The following PARP10 variants were observed in gnomAD, a reference collection of about 807,000 sequenced individuals.
The protein encoded by PARP10 is protein mono-ADP-ribosyltransferase PARP10.
A neutral mutation model predicts 82.4 loss-of-function variants in PARP10; 56 were observed. The observed-to-expected ratio is 0.68, with a 90% CI of 0.55 to 0.85. PARP10 has a LOEUF of 0.85. Ranked by LOEUF, PARP10 falls within the 40% of genes least tolerant of loss-of-function variation. PARP10 has a pLI of 0.00. For missense variants in PARP10, 1,227 were observed against 1,379.4 expected (o/e 0.89, Z 1.75); for synonymous variants, 576 against 601.1 (o/e 0.96, Z 0.61).
In PARP10 at chr8:143,977,777, G is replaced by C; in HGVS notation, c.2785C>G (p.Gln929Glu). The change falls in exon 11 of 11, where the codon CAG (glutamine) becomes GAG (glutamate). Residue 929 changes from glutamine to glutamate, a missense_variant. Physicochemically the swap from Gln to Glu is conservative, Grantham distance 29. Coordinates refer to ENST00000313028, the MANE Select transcript of PARP10 (RefSeq NM_032789.5). ...YFARRASLSV[Q>E]DRYSPPNADG... The stretch of plus-strand genomic sequence containing the variant: ...GCGTTGGGGGGCGAGTAGCGGTCCT[G>C]CACCGACAGGGAGGCGCGCCTGGCG... 2 of 1,603,862 alleles carry C rather than the reference G, an allele frequency of 1.2e-6. No individual in the cohort carries two copies. Among genetic ancestry groups the C allele is most frequent in the Non-Finnish European group, 1.7e-6 (2 of 1,175,832 alleles).
chr8:143,985,755 A>G lies in PARP10; in HGVS notation c.402T>C (p.Ala134=). The G allele has an allele frequency of 6.2e-7, 1 of 1,609,950 alleles. No homozygotes were observed. Among genetic ancestry groups the G allele is most frequent in the Middle Eastern group, 1.7e-4 (1 of 6,052 alleles). The change falls in exon 3 of 11, where the codon GCT becomes GCC. Residue 134 remains alanine, a synonymous_variant. Coordinates refer to ENST00000313028, the MANE Select transcript of PARP10 (RefSeq NM_032789.5). Reference sequence around the variant, plus strand: ...AAAGGGGCTTGGGCAACTGGACCAGAGCCCGGTCTGGCCGGGGGCTGGCCA... The same window carrying G: ...AAAGGGGCTTGGGCAACTGGACCAGGGCCCGGTCTGGCCGGGGGCTGGCCA... ...CALASPRPDR[A]LVQLPKPLSE...
At chr8:144,003,161 G>A (rs1475311981) in intron 1 of PARP10, among the ~76,000 whole-genome samples, 5 of 152,122 alleles carry the variant, frequency 3.3e-5, no homozygotes, top group African/African-American at 4.8e-5. Flanking sequence ...GGTGGCTCAC[G>A]CTTGTAATTC....
upstream of PARP10, chr8:143,990,018 C>G (rs1432439799): frequency 6.6e-6 from 1 of 151,470 alleles, no homozygotes; most frequent in South Asian, 2.1e-4. The surrounding 1 kb of genome is among the most constrained non-coding windows in gnomAD (Gnocchi z 5.6). Flanking sequence ...CCTCCCACCC[C>G]GAAGCTCGCC....
Position 143,984,107 on chromosome 8 carries a change from G to A in PARP10, c.1681-3C>T. 2 of 1,558,814 alleles carry A rather than the reference G, an allele frequency of 1.3e-6. No homozygotes were observed. The highest frequency in any genetic ancestry group is 1.2e-5 in the South Asian group (1 of 81,808). On this transcript the variant is annotated splice_polypyrimidine_tract_variant and splice_region_variant and intron_variant, in intron 6 of 10. Transcript: ENST00000313028. ...GGGAGGGCCTCGGTAGGGTCCACCT[G>A]TAGGGAGAGGATGTCAGGACCACTA... is the stretch of plus-strand genomic sequence containing the variant.
chr8:143,985,123 C>T lies in PARP10; in HGVS notation c.879G>A (p.Val293=), dbSNP rs1554748939. 1.4e-5 allele frequency: 22 copies of T among 1,614,084 alleles called. No individual in the cohort carries two copies. The highest frequency in any genetic ancestry group is 1.9e-5 in the Non-Finnish European group (22 of 1,180,000). The change falls in exon 5 of 11, where the codon GTG becomes GTA. Residue 293 remains valine, a synonymous_variant. Coordinates refer to ENST00000313028, the MANE Select transcript of PARP10 (RefSeq NM_032789.5). Reference sequence around the variant, plus strand: ...CTGGTTCCTCGCCAGAGCCCATTGTCACAGTCCCTGCACCCTGCAGAGCCG... The same window carrying T: ...CTGGTTCCTCGCCAGAGCCCATTGTTACAGTCCCTGCACCCTGCAGAGCCG... ...LVTALQGAGT[V]TMGSGEEPGQ... is the part of the protein sequence containing the mutation.
At chr8:144,006,431 C>T (rs1554752085) in intron 1 of PARP10, among the ~76,000 whole-genome samples, 2 of 152,208 alleles carry the variant, frequency 1.3e-5, no homozygotes, top group African/African-American at 4.8e-5. Context: ...AGTGGTGCTT[C>T]TAGTTCCCCT....
chr8:144,004,363 T>C (rs2133079773), intron 1 of PARP10, among the ~76,000 whole-genome samples: 1 of 152,258 alleles, frequency 6.6e-6, no homozygotes, highest in Non-Finnish European at 1.5e-5. Flanking sequence ...GGAGTTATTG[T>C]TTAATGGGGA....
At chr8:143,992,058 C>T (rs1834107856), upstream of PARP10, 4 of 1,613,778 alleles carry the variant, frequency 2.5e-6, no homozygotes, top group Admixed American at 3.3e-5. Flanking sequence ...GCGAAAGCAC[C>T]CCTGGAACCT....
intron 7 of PARP10, 49 bp from the exon 8 acceptor site, chr8:143,983,860 T>G: frequency 2.0e-6 from 3 of 1,525,106 alleles, no homozygotes; most frequent in South Asian, 1.3e-5. Context: ...CCAGGAGGAG[T>G]TGGAATGGAT....
At chr8:143,992,018 C>A (rs782749182), upstream of PARP10, 3 of 1,613,830 alleles carry the variant, frequency 1.9e-6, no homozygotes, top group African/African-American at 4.0e-5. Context: ...TCATCTCTCT[C>A]ATCGTCCTCA....
At position 144,005,633 on chromosome 8, in the gene PARP10, C is replaced by T. The variant is rs113054284; in HGVS notation, c.-80+6897G>A. ...CCATCCCATGCTTCTCTGGCCCGGCCGTCCCCTCCCCACAGTGGCTGATTC... is the reference window on the plus strand; with the variant it reads ...CCATCCCATGCTTCTCTGGCCCGGCTGTCCCCTCCCCACAGTGGCTGATTC... On this transcript the variant is annotated intron_variant, in intron 1 of 3. Transcript: ENST00000530478. Among the ~76,000 whole-genome samples, 256 of 152,246 alleles carry T rather than the reference C, an allele frequency of 1.7e-3. 2 individuals are homozygous for T. The highest frequency in any genetic ancestry group is 6.0e-3 in the African/African-American group (248 of 41,538).
At position 143,985,136 on chromosome 8, in the gene PARP10, C is replaced by A. The variant is rs781880457; in HGVS notation, c.866G>T (p.Gly289Val). The change falls in exon 5 of 11, where the codon GGT becomes GTT. Residue 289 changes from glycine (G) to valine (V), a missense_variant. Coordinates refer to ENST00000313028, the MANE Select transcript of PARP10 (RefSeq NM_032789.5). ...RTGGLVTALQ[G>V]AGTVTMGSGE... ...AGAGCCCATTGTCACAGTCCCTGCACCCTGCAGAGCCGTCACCAACCCTCC... is the reference window on the plus strand; with the variant it reads ...AGAGCCCATTGTCACAGTCCCTGCAACCTGCAGAGCCGTCACCAACCCTCC... 6.2e-7 allele frequency: 1 copy of A among 1,614,136 alleles called. No individual in the cohort carries two copies. The highest frequency in any genetic ancestry group is 1.1e-5 in the South Asian group (1 of 91,088).
At chr8:144,010,178 T>C (rs1554752356) in intron 1 of PARP10, among the ~76,000 whole-genome samples, 1 of 152,206 alleles carries the variant, frequency 6.6e-6, no homozygotes, top group Non-Finnish European at 1.5e-5. Flanking sequence ...CCAGCACCAG[T>C]GCCTCTCCCA....
intron 1 of PARP10, among the ~76,000 whole-genome samples, chr8:144,007,847 T>C (rs1404097089): frequency 6.6e-6 from 1 of 152,340 alleles, no homozygotes; most frequent in East Asian, 1.9e-4. Flanking sequence ...GTACTTGACA[T>C]GGCCATGACT....
Position 143,985,153 on chromosome 8 carries a change from CA to C in PARP10, c.848del (p.Leu283TrpfsTer2). 6.2e-7 allele frequency: 1 copy of C among 1,614,172 alleles called. No individual in the cohort carries two copies. Among genetic ancestry groups the C allele is most frequent in the Non-Finnish European group, 8.5e-7 (1 of 1,180,018 alleles). Reference sequence around the variant, plus strand: ...TCCCTGCACCCTGCAGAGCCGTCACCAACCCTCCGGTCCTCAGGAGAGCATG... The same window carrying C: ...TCCCTGCACCCTGCAGAGCCGTCACCACCCTCCGGTCCTCAGGAGAGCATG... ...TKHALLRTGG[L>X]VTALQGAGTV... On this transcript the variant is annotated frameshift_variant, in exon 5 of 11. Transcript: ENST00000313028. LOFTEE classifies it high-confidence loss of function.
chr8:143,992,591 G>A (rs781982479), upstream of PARP10: 7 of 1,614,134 alleles, frequency 4.3e-6, no homozygotes, highest in South Asian at 1.1e-5. Context: ...CTCACTGGGC[G>A]CTCTGCTCTT....
Position 143,985,647 on chromosome 8 carries a change from A to G in PARP10, c.438T>C (p.Asp146=). The G allele has an allele frequency of 6.2e-7, 1 of 1,612,870 alleles. No individual in the cohort carries two copies. The highest frequency in any genetic ancestry group is 8.5e-7 in the Non-Finnish European group (1 of 1,179,714). The stretch of plus-strand genomic sequence containing the variant: ...GGGCCTGCTCCTCCAGGACACGGAC[A>G]TCTGTGGGGTATGTGCAGGTCAGCT... ...VQLPKPLSEA[D]VRVLEEQAQN... The change falls in exon 4 of 11, where the codon GAT becomes GAC. Residue 146 remains aspartate (D), a splice_region_variant and synonymous_variant. Coordinates refer to ENST00000313028, the MANE Select transcript of PARP10 (RefSeq NM_032789.5).
chr8:143,984,359 G>C lies in PARP10; in HGVS notation c.1531C>G (p.His511Asp). 6.2e-7 allele frequency: 1 copy of C among 1,613,548 alleles called. No individual in the cohort carries two copies. Among genetic ancestry groups the C allele is most frequent in the Non-Finnish European group, 8.5e-7 (1 of 1,179,918 alleles). ...LRSLLGSISC[H>D]VLCLEHPGSA... Reference sequence around the variant, plus strand: ...CCCGGGTGCTCCAGGCACAACACATGGCAGCTAATGCTGCCCAGCAGGCTC... The same window carrying C: ...CCCGGGTGCTCCAGGCACAACACATCGCAGCTAATGCTGCCCAGCAGGCTC... Residue 511 changes from histidine to aspartate, a missense_variant, in exon 6 of 11, where the codon CAT (histidine) becomes GAT (aspartate). By Grantham distance (81) the His-to-Asp change is moderately conservative. Coordinates refer to ENST00000313028, the MANE Select transcript of PARP10 (RefSeq NM_032789.5).
chr8:143,984,871 C>A lies in PARP10; in HGVS notation c.1131G>T (p.Met377Ile). The part of the protein sequence containing the change: ...PVGLQEQEGP[M>I]SLGPVGSAGP... ...CTGCAGACCCCACAGGCCCCAGGCT[C>A]ATGGGCCCCTCCTGTTCCTGCAACC... is the stretch of plus-strand genomic sequence containing the variant. The change falls in exon 5 of 11, where the codon ATG becomes ATT. Residue 377 changes from methionine to isoleucine, a missense_variant. Transcript: ENST00000313028. The A allele has an allele frequency of 6.2e-7, 1 of 1,613,900 alleles. No individual in the cohort carries two copies. Among genetic ancestry groups the A allele is most frequent in the African/African-American group, 1.3e-5 (1 of 75,018 alleles).
Sources: gnomAD v4.1 joint callset for allele counts (sites outside exome capture counted in the v4.1 genomes callset) on GRCh38, gnomAD v4.1.1 for gene constraint, Gnocchi (gnomAD v3.1) non-coding constraint, MANE v1.5 for transcripts, NCBI Gene and HGNC (gene_info 2026-07-23, HGNC 2026-07-21) for gene names.